The following RPSA2 variants were observed in gnomAD, a reference collection of about 807,000 sequenced individuals.
The protein encoded by RPSA2 is ribosomal protein SA 2, also known as small ribosomal subunit protein uS2B.
At chr19:23,846,910 C>T in the RPSA2 span, among the ~76,000 whole-genome samples, 1 of 152,108 alleles carries the variant, frequency 6.6e-6, no homozygotes, top group Non-Finnish European at 1.5e-5. Context: ...AATTCTATTG[C>T]TAGAGTTGGG....
the RPSA2 span, among the ~76,000 whole-genome samples, chr19:23,780,454 TAACGTGGTG>T: frequency 1.3e-5 from 2 of 152,026 alleles, no homozygotes; most frequent in African/African-American, 2.4e-5. Flanking sequence ...CCATCCTGGC[TAACGTGGTG>T]AAACCCCATC....
the RPSA2 span, among the ~76,000 whole-genome samples, chr19:23,849,896 T>A: frequency 6.6e-6 from 1 of 152,148 alleles, no homozygotes; most frequent in Admixed American, 6.5e-5. Context: ...ATTGAAAGTA[T>A]GGGGTATCTC....
chr19:23,834,576 CTTAATT>C, the RPSA2 span, among the ~76,000 whole-genome samples: 1 of 151,970 alleles, frequency 6.6e-6, no homozygotes, highest in Non-Finnish European at 1.5e-5. Context: ...GAAAAATATT[CTTAATT>C]TTAGTTAAAA....
At chr19:23,859,277 T>C in the RPSA2 span, among the ~76,000 whole-genome samples, 148,960 of 152,288 alleles carry the variant, frequency 0.98, 72,942 homozygotes, top group Middle Eastern at 1. Context: ...TGTTAGAAAA[T>C]TCTTGTTTCC....
chr19:23,832,278 G>C, the RPSA2 span: 1 of 451,552 alleles, frequency 2.2e-6, no homozygotes, highest in Non-Finnish European at 4.5e-6. Context: ...CGAAACATAA[G>C]AGAATTCATA....
chr19:23,865,024 C>T, the RPSA2 span, among the ~76,000 whole-genome samples: 1 of 152,170 alleles, frequency 6.6e-6, no homozygotes, highest in Non-Finnish European at 1.5e-5. Context: ...CTGCATTTAT[C>T]CTCCTTTGTT....
chr19:23,824,294 C>G, the RPSA2 span, among the ~76,000 whole-genome samples: 1 of 152,192 alleles, frequency 6.6e-6, no homozygotes, highest in Non-Finnish European at 1.5e-5. Flanking sequence ...CAAACTAAAG[C>G]AGGCCTTGCA....
chr19:23,836,335 G>T, the RPSA2 span, among the ~76,000 whole-genome samples: 1 of 151,858 alleles, frequency 6.6e-6, no homozygotes, highest in Admixed American at 6.6e-5. Context: ...TTAATTACTT[G>T]TTATGGCTGA....
At chr19:23,787,563 C>T in the RPSA2 span, among the ~76,000 whole-genome samples, 1 of 151,984 alleles carries the variant, frequency 6.6e-6, no homozygotes, top group Admixed American at 6.6e-5. Context: ...GAGCCAAAAT[C>T]GTGCCACTGC....
chr19:23,770,054 A>G, the RPSA2 span, among the ~76,000 whole-genome samples: 1 of 152,130 alleles, frequency 6.6e-6, no homozygotes, highest in African/African-American at 2.4e-5. Flanking sequence ...TGTTTGTTAC[A>G]TATAGTTGGG....
chr19:23,794,106 A>T, the RPSA2 span, among the ~76,000 whole-genome samples: 1 of 152,218 alleles, frequency 6.6e-6, no homozygotes. Flanking sequence ...TACCATTGAT[A>T]GGCATTCAAG....
At chr19:23,854,525 T>G in the RPSA2 span, among the ~76,000 whole-genome samples, 1 of 152,168 alleles carries the variant, frequency 6.6e-6, no homozygotes. Context: ...TATTGGGGCC[T>G]GGGACTGGCC....
the RPSA2 span, among the ~76,000 whole-genome samples, chr19:23,760,178 C>T: frequency 6.6e-6 from 1 of 152,244 alleles, no homozygotes; most frequent in East Asian, 1.9e-4. Flanking sequence ...CAAATGACTT[C>T]CCAGGGTCTC....
the RPSA2 span, among the ~76,000 whole-genome samples, chr19:23,761,436 G>A: frequency 6.6e-6 from 1 of 152,090 alleles, no homozygotes; most frequent in Non-Finnish European, 1.5e-5. Flanking sequence ...TTGTGCCACT[G>A]CATTCCAGCC....
chr19:23,870,978 A>C, the RPSA2 span, among the ~76,000 whole-genome samples: 1 of 152,152 alleles, frequency 6.6e-6, no homozygotes, highest in African/African-American at 2.4e-5. Context: ...GAGATTATCT[A>C]CTGGGACATC....
At chr19:23,857,731 A>G in the RPSA2 span, among the ~76,000 whole-genome samples, 148,526 of 151,856 alleles carry the variant, frequency 0.98, 72,729 homozygotes, top group Middle Eastern at 1. Flanking sequence ...TGCTGACCTC[A>G]TGATCCACCC....
chr19:23,839,715 T>C, the RPSA2 span, among the ~76,000 whole-genome samples: 148,973 of 152,304 alleles, frequency 0.98, 72,950 homozygotes, highest in Middle Eastern at 1. Context: ...TCCTCCTCCC[T>C]CTCCCATGGA....
the RPSA2 span, among the ~76,000 whole-genome samples, chr19:23,852,330 G>A: frequency 1.1e-3 from 106 of 97,398 alleles, no homozygotes; most frequent in East Asian, 0.022. Context: ...ACCCAGCGGC[G>A]CTAGAGGAAT....
At chr19:23,766,822 T>C in the RPSA2 span, among the ~76,000 whole-genome samples, 1 of 151,246 alleles carries the variant, frequency 6.6e-6, no homozygotes. Flanking sequence ...GCAGTGTCGT[T>C]ATCTTGGCTC....
Sources: allele counts gnomAD v4.1 joint callset (sites outside exome capture counted in the v4.1 genomes callset), GRCh38; gene constraint gnomAD v4.1.1; transcripts MANE v1.5; gene names NCBI Gene and HGNC (gene_info 2026-07-23, HGNC 2026-07-21).